TBC1D14: variants seen among roughly 807,000 people sequenced by gnomAD.
TBC1D14 encodes TBC1 domain family, member 14.
Under a neutral mutation model 79.0 loss-of-function variants are expected in TBC1D14, and 26 were observed. The observed-to-expected ratio is 0.33, with a 90% confidence interval of 0.24 to 0.46. TBC1D14 has a LOEUF of 0.46. Ranked by LOEUF, TBC1D14 falls within the 20% of genes least tolerant of loss-of-function variation. TBC1D14 has a pLI of 1.00. For missense variants in TBC1D14, 769 were observed against 887.6 expected, an observed-to-expected ratio of 0.87 and a Z score of 1.70; for synonymous variants, 394 against 349.9, an observed-to-expected ratio of 1.13 and a Z score of -1.40.
chr4:7,010,022 G>A (rs1720593925), intron 10 of TBC1D14, 74 bp downstream of exon 10: 2 of 1,538,840 alleles, frequency 1.3e-6, no homozygotes, highest in Non-Finnish European at 1.8e-6. Context: ...GCACGTGTTA[G>A]CTGCAAATGT....
intron 2 of TBC1D14, among the ~76,000 whole-genome samples, chr4:6,938,555 C>T (rs538004075): frequency 3.7e-4 from 56 of 152,322 alleles, no homozygotes; most frequent in Admixed American, 2.7e-3. Flanking sequence ...ACCAGCCTGG[C>T]AGCTCCCCCT....
intron 1 of TBC1D14, among the ~76,000 whole-genome samples, chr4:6,913,703 A>G (rs1296104626): frequency 6.6e-6 from 1 of 152,242 alleles, no homozygotes; most frequent in Non-Finnish European, 1.5e-5. Context: ...ACCGGTTTTA[A>G]GTAGTCTAAA....
chr4:7,025,808 C>T (rs768410278), intron 13 of TBC1D14, among the ~76,000 whole-genome samples: 113 of 152,182 alleles, frequency 7.4e-4, no homozygotes, highest in Non-Finnish European at 1.3e-3. Flanking sequence ...CAAACAGTGG[C>T]GCGGATAGTC....
intron 2 of TBC1D14, among the ~76,000 whole-genome samples, chr4:6,934,285 G>A (rs1398216130): frequency 6.6e-6 from 1 of 152,044 alleles, no homozygotes; most frequent in African/African-American, 2.4e-5. Context: ...GGCAGGGCTG[G>A]TGAGCTGGGA....
chr4:6,983,921 C>T (rs1274805578), intron 3 of TBC1D14, among the ~76,000 whole-genome samples: 1 of 152,112 alleles, frequency 6.6e-6, no homozygotes, highest in Non-Finnish European at 1.5e-5. Flanking sequence ...GATAAGTTTC[C>T]GTTAGTTGGA....
chr4:7,000,394 G>A (rs552437226), intron 6 of TBC1D14, among the ~76,000 whole-genome samples: 2 of 152,294 alleles, frequency 1.3e-5, no homozygotes, highest in East Asian at 1.9e-4. Flanking sequence ...AGGTTTCATC[G>A]TCTTGACTTT....
chr4:6,961,936 A>G (rs977527583), intron 2 of TBC1D14, among the ~76,000 whole-genome samples: 4 of 152,188 alleles, frequency 2.6e-5, no homozygotes, highest in African/African-American at 7.2e-5. Flanking sequence ...TCTGTTGTTC[A>G]GTGTCTGAAT....
At chr4:6,945,983 C>T (rs368958525) in intron 2 of TBC1D14, among the ~76,000 whole-genome samples, 3 of 152,026 alleles carry the variant, frequency 2.0e-5, no homozygotes, top group African/African-American at 2.4e-5. Flanking sequence ...GAAAACTCCC[C>T]GGGTGACTCT....
At chr4:6,948,122 T>G (rs1306238378) in intron 2 of TBC1D14, among the ~76,000 whole-genome samples, 1 of 152,114 alleles carries the variant, frequency 6.6e-6, no homozygotes, top group Non-Finnish European at 1.5e-5. Context: ...TAGCATGTAT[T>G]GAAATTTTAT....
chr4:6,955,238 G>T (rs1358382190), intron 2 of TBC1D14, among the ~76,000 whole-genome samples: 1 of 152,330 alleles, frequency 6.6e-6, no homozygotes, highest in East Asian at 1.9e-4. Flanking sequence ...TTTTTGGGGG[G>T]TGGAGATCTG....
intron 2 of TBC1D14, among the ~76,000 whole-genome samples, chr4:6,938,035 C>T (rs1043076258): frequency 5.9e-5 from 9 of 152,138 alleles, no homozygotes; most frequent in Admixed American, 4.6e-4. Flanking sequence ...TTCCACTCCT[C>T]CCGGGTGCTG....
rs137911226 is a variant in TBC1D14, at chr4:6,951,889, T to C, written c.723-15415T>C. Among the ~76,000 whole-genome samples, 59 of 152,280 alleles carry C rather than the reference T, an allele frequency of 3.9e-4. No individual in the cohort carries two copies. The East Asian group carries it at 0.011, about 29-fold the overall frequency. On this transcript the variant is annotated intron_variant, in intron 2 of 13. Transcript: ENST00000409757. ...TTGTTGAGGTATAATATATAAATTG[T>C]GACTGTTGAGTGTTGAGGAAGGATT...
chr4:7,009,075 T>C (rs1048013780), intron 9 of TBC1D14, among the ~76,000 whole-genome samples: 7 of 152,230 alleles, frequency 4.6e-5, no homozygotes, highest in Admixed American at 4.6e-4. Context: ...GGCCATGGCA[T>C]TCTTTTGTAA....
chr4:6,929,838 C>T (rs2108941900), intron 2 of TBC1D14, among the ~76,000 whole-genome samples: 1 of 152,322 alleles, frequency 6.6e-6, no homozygotes. Context: ...CTGTTCTGAG[C>T]TCAGCTTCTG....
At chr4:7,010,985 T>C (rs1490791345) in intron 11 of TBC1D14, among the ~76,000 whole-genome samples, 2 of 152,234 alleles carry the variant, frequency 1.3e-5, no homozygotes, top group Non-Finnish European at 2.9e-5. Context: ...TAGCCGTATG[T>C]CTGGGTTTCT....
intron 5 of TBC1D14, among the ~76,000 whole-genome samples, chr4:6,998,359 A>G (rs1033299317): frequency 2.0e-4 from 25 of 125,256 alleles, no homozygotes; most frequent in Non-Finnish European, 3.4e-4. Context: ...AACTCCGTCT[A>G]AAAAAAAAAA....
At chr4:6,987,318 G>A in intron 3 of TBC1D14, 1 of 1,402,482 alleles carries the variant, frequency 7.1e-7, no homozygotes, top group Non-Finnish European at 9.3e-7. Flanking sequence ...TGGAGCCTCC[G>A]GCCGCGCGCC....
intron 2 of TBC1D14, among the ~76,000 whole-genome samples, chr4:6,933,241 CCCCTCCCCTCCCCTCCCCTCCCCT>C (rs1560256098): frequency 2.5e-4 from 2 of 8,112 alleles, no homozygotes; most frequent in African/African-American, 8.0e-4. Context: ...AGAATTACCT[CCCCTCCCCTCCCCTCCCCTCCCCT>C]CCCTTCCCCT....
At chr4:6,989,070 A>T (rs1718206741) in intron 3 of TBC1D14, among the ~76,000 whole-genome samples, 1 of 151,836 alleles carries the variant, frequency 6.6e-6, no homozygotes, top group African/African-American at 2.4e-5. Flanking sequence ...TTTGAGAATC[A>T]TGATCCTTTC....
Sources: gnomAD v4.1 joint callset for allele counts (sites outside exome capture counted in the v4.1 genomes callset) on GRCh38, gnomAD v4.1.1 for gene constraint, MANE v1.5 for transcripts, NCBI Gene and HGNC (gene_info 2026-07-23, HGNC 2026-07-21) for gene names.